The following STK31 variants were observed in gnomAD, a reference collection of about 807,000 sequenced individuals.
The protein encoded by STK31 is serine/threonine kinase 31, also known as serine/threonine-protein kinase 31.
A neutral mutation model predicts 129.7 loss-of-function variants in STK31; 89 were observed. That is an observed-to-expected ratio of 0.69 (90% CI 0.58 to 0.82). The LOEUF is 0.82. Among genes scored for constraint, STK31 ranks in the 40% least tolerant of loss-of-function variants. STK31 has a pLI of 0.00. For synonymous variants in STK31, 448 were observed against 395.3 expected (o/e 1.13, Z -1.58); for missense variants, 1,187 against 1,176.4 (o/e 1.01, Z -0.13).
At chr7:23,828,002 G>T (rs28833254) in intron 23 of STK31, among the ~76,000 whole-genome samples, 1 of 152,052 alleles carries the variant, frequency 6.6e-6, no homozygotes, top group Admixed American at 6.5e-5. Context: ...CAGTCCACCC[G>T]TACTGGGGGG....
intron 23 of STK31, among the ~76,000 whole-genome samples, chr7:23,822,679 T>G (rs1343202684): frequency 6.6e-6 from 1 of 152,190 alleles, no homozygotes; most frequent in Non-Finnish European, 1.5e-5. Context: ...TGTACACATG[T>G]GCCATGTTGG....
intron 23 of STK31, among the ~76,000 whole-genome samples, chr7:23,819,420 C>CT (rs3034044): frequency 9.0e-5 from 13 of 144,900 alleles, no homozygotes; most frequent in African/African-American, 2.8e-4. Context: ...GATTTCTTTC[C>CT]TTTTTTTTTT....
At chr7:23,721,251 G>C in intron 4 of STK31, 1 of 481,608 alleles carries the variant, frequency 2.1e-6, no homozygotes, top group East Asian at 3.3e-5. Flanking sequence ...CCTAACAAAC[G>C]CTACATTTTC....
In STK31 at chr7:23,788,105, A is replaced by G; in HGVS notation, c.2613A>G (p.Gly871=). The G allele has an allele frequency of 6.2e-7, 1 of 1,610,872 alleles. No individual in the cohort carries two copies. ...FALNREQGIV[G]DFDFTKSVSQ... ...TAAACCGTGAACAAGGAATTGTTGG[A>G]GATTTTGACTTCACCAAATCTGTGG... The change falls in exon 21 of 24, where the codon GGA becomes GGG. Residue 871 remains glycine (G), a synonymous_variant. Transcript: ENST00000355870.
chr7:23,769,210 T>C (rs1330055419), intron 12 of STK31, 36 bp downstream of exon 12: 4 of 1,490,822 alleles, frequency 2.7e-6, no homozygotes, highest in Non-Finnish European at 3.6e-6. Context: ...GTTTGTAGCA[T>C]AAACCAGGGA....
At chr7:23,731,409 A>G (rs1770519692) in intron 6 of STK31, among the ~76,000 whole-genome samples, 1 of 152,218 alleles carries the variant, frequency 6.6e-6, no homozygotes, top group Non-Finnish European at 1.5e-5. Flanking sequence ...CACTCCGTAT[A>G]TAAAGCCTAT....
chr7:23,743,481 A>C (rs1010650453), intron 8 of STK31, among the ~76,000 whole-genome samples: 4 of 152,124 alleles, frequency 2.6e-5, no homozygotes, highest in Admixed American at 1.3e-4. Context: ...TCCTGTAAGG[A>C]TTTTACTGAG....
intron 8 of STK31, among the ~76,000 whole-genome samples, chr7:23,748,126 G>A (rs10271351): frequency 0.98 from 149,950 of 152,366 alleles, 73,850 homozygotes; most frequent in East Asian, 1. Context: ...CCTGTGCTGC[G>A]TTCTACAAAT....
At chr7:23,762,741 G>A (rs991766326) in intron 10 of STK31, 60 bp from the exon 11 acceptor site, 1 of 1,577,726 alleles carries the variant, frequency 6.3e-7, no homozygotes, top group Non-Finnish European at 8.6e-7. Flanking sequence ...TTTTCATATA[G>A]GTCATATGCG....
At chr7:23,749,344 G>GTT (rs201417190) in intron 8 of STK31, among the ~76,000 whole-genome samples, 1,671 of 124,878 alleles carry the variant, frequency 0.013, 29 homozygotes, top group African/African-American at 0.04. Flanking sequence ...TTCTTTTCTT[G>GTT]TTTTTTTTTT....
In STK31 at chr7:23,783,647, G is replaced by T. The variant is rs150069675; in HGVS notation, c.2132G>T (p.Gly711Val). 1 of 1,611,254 alleles carries T rather than the reference G, an allele frequency of 6.2e-7. No individual in the cohort carries two copies. Among genetic ancestry groups the T allele is most frequent in the African/African-American group, 1.3e-5 (1 of 74,802 alleles). Reference sequence around the variant, plus strand: ...CTGCCTCTGCTTCATCCTGAAATAGGATTACTCAAATACATGGTAAACTTT... The same window carrying T: ...CTGCCTCTGCTTCATCCTGAAATAGTATTACTCAAATACATGGTAAACTTT... ...PELPLLHPEI[G>V]LLKYMNSGGL... Residue 711 changes from glycine to valine, a missense_variant, in exon 17 of 24, where the codon GGA becomes GTA. By Grantham distance (109) the Gly-to-Val change is moderately radical. Around this residue, in one of 5 missense-constraint regions of STK31, gnomAD observed 975 missense variants for 934.9 expected, o/e 1.04. Coordinates refer to ENST00000355870, the MANE Select transcript of STK31 (RefSeq NM_031414.5).
chr7:23,827,174 T>C (rs754309904), intron 23 of STK31, among the ~76,000 whole-genome samples: 37 of 152,368 alleles, frequency 2.4e-4, no homozygotes, highest in South Asian at 4.1e-4. Flanking sequence ...TTCTCCTGGA[T>C]AATATGCTGA....
In STK31 at chr7:23,799,866, T is replaced by C. The variant is rs184789828; in HGVS notation, c.2760+8920T>C. On this transcript the variant is annotated intron_variant, in intron 22 of 23. Transcript: ENST00000355870. ...TGACAAAGGTCTAGTATCCATAATC[T>C]ACAAAGAACTGAAACACATTTACAA... Among the ~76,000 whole-genome samples the C allele has an allele frequency of 4.1e-3, 631 of 152,292 alleles. 5 individuals are homozygous for C. Among genetic ancestry groups the C allele is most frequent in the Non-Finnish European group, 2.3e-3 (154 of 68,024 alleles).
Position 23,772,260 on chromosome 7 carries a change from A to G in STK31, c.1947A>G (p.Glu649=), listed in dbSNP as rs770266079. ...LKALLRWKLV[E]KSNLEESDDP... The stretch of plus-strand genomic sequence containing the variant: ...CTCTACTCAGATGGAAATTGGTTGA[A>G]AAGAGTAATTTGGAAGAGGTAAGGA... Residue 649 remains glutamate (E), a synonymous_variant, in exon 15 of 24, where the codon GAA becomes GAG. Transcript: ENST00000355870. The G allele has an allele frequency of 1.2e-6, 2 of 1,605,318 alleles. No homozygotes were observed. Among genetic ancestry groups the G allele is most frequent in the South Asian group, 2.2e-5 (2 of 89,242 alleles).
chr7:23,728,471 C>A (rs1449654063), intron 5 of STK31, among the ~76,000 whole-genome samples: 1 of 152,068 alleles, frequency 6.6e-6, no homozygotes, highest in Non-Finnish European at 1.5e-5. Context: ...TTCTAATTGA[C>A]CTTTCTCCCA....
In STK31 at chr7:23,831,994, A is replaced by T. The variant is rs116022272; in HGVS notation, c.2830-142A>T. 2.0e-3 allele frequency: 1,203 copies of T among 613,282 alleles called. 7 individuals are homozygous for T. The highest frequency in any genetic ancestry group is 8.2e-3 in the African/African-American group (442 of 53,674). The allele number at this position is 613,282 out of a possible 1,614,324, so 38.0% of individuals were successfully genotyped here. ...ATTATTTTGGTGTTTTTTTTTGTTG[A>T]GGGGAGTACCAGATACCTCGTCAGT... On this transcript the variant is annotated intron_variant, in intron 23 of 23. Coordinates refer to ENST00000355870, the MANE Select transcript of STK31 (RefSeq NM_031414.5).
At position 23,758,271 on chromosome 7, in the gene STK31, G is replaced by C. The variant is rs1168978948; in HGVS notation, c.1293+3797G>C. On this transcript the variant is annotated intron_variant, in intron 10 of 23. Coordinates refer to ENST00000355870, the MANE Select transcript of STK31 (RefSeq NM_031414.5). ...GTTTATTTGTGTAGAGGTGTTTATAGTATTCTGTGATGGTAGTTGGTATTT... is the reference window on the plus strand; with the variant it reads ...GTTTATTTGTGTAGAGGTGTTTATACTATTCTGTGATGGTAGTTGGTATTT... 3.3e-5 allele frequency among the ~76,000 whole-genome samples: 5 copies of C among 152,146 alleles called. No homozygotes were observed. The East Asian group carries it at 7.7e-4, about 23-fold the overall frequency.
intron 4 of STK31, among the ~76,000 whole-genome samples, chr7:23,723,466 G>T (rs1222936376): frequency 6.6e-6 from 1 of 151,998 alleles, no homozygotes; most frequent in Non-Finnish European, 1.5e-5. Context: ...ACCTATGACT[G>T]TGTTTAATAT....
chr7:23,768,935 A>G, intron 11 of STK31, 60 bp from the exon 12 acceptor site: 2 of 1,392,562 alleles, frequency 1.4e-6, no homozygotes, highest in Non-Finnish European at 1.9e-6. Flanking sequence ...ATCCTAACAC[A>G]GTGCTCGAAT....
Sources: gnomAD v4.1 joint callset for allele counts (sites outside exome capture counted in the v4.1 genomes callset) on GRCh38, gnomAD v4.1.1 for gene constraint, gnomAD v4.1.1 regional missense constraint, MANE v1.5 for transcripts, NCBI Gene and HGNC (gene_info 2026-07-23, HGNC 2026-07-21) for gene names.